Variants in BORCS5 observed in about 807,000 individuals in gnomAD.
BORCS5 encodes the protein BLOC-1-related complex subunit 5.
Under a neutral mutation model 22.1 loss-of-function variants are expected in BORCS5, and 17 were observed. The ratio of observed to expected loss-of-function variants is 0.77; its 90% CI spans 0.53 to 1.15. The LOEUF is 1.15. Ranked by LOEUF, BORCS5 falls within the 50% of genes most tolerant of loss-of-function variation. The probability of loss-of-function intolerance (pLI) is 0.00; values close to 1 mark genes in which losing one functional copy is unlikely to be tolerated. For synonymous variants in BORCS5, 117 were observed against 99.8 expected, an observed-to-expected ratio of 1.17 and a Z score of -1.03; for missense variants, 247 against 253.2, an observed-to-expected ratio of 0.98 and a Z score of 0.17.
intron 2 of BORCS5, among the ~76,000 whole-genome samples, chr12:12,384,046 T>C (rs1258135354): frequency 1.3e-5 from 2 of 151,426 alleles, no homozygotes; most frequent in African/African-American, 4.9e-5. Flanking sequence ...CCCAAATTGC[T>C]ATTGAGTTGC....
At chr12:12,420,762 A>G (rs78852351) in intron 2 of BORCS5, among the ~76,000 whole-genome samples, 1 of 152,116 alleles carries the variant, frequency 6.6e-6, no homozygotes, top group Non-Finnish European at 1.5e-5. Flanking sequence ...TTGAAGAGGT[A>G]CTTCACATCC....
chr12:12,438,385 A>AAAAAAAAAAATACAC (rs1555156048), intron 3 of BORCS5, among the ~76,000 whole-genome samples: 16 of 126,148 alleles, frequency 1.3e-4, no homozygotes, highest in African/African-American at 5.2e-4. Context: ...AAAAAACGAA[A>AAAAAAAAAAATACAC]AACAACAACA....
chr12:12,421,825 T>C (rs1167324103), intron 2 of BORCS5, among the ~76,000 whole-genome samples: 2 of 152,230 alleles, frequency 1.3e-5, no homozygotes, highest in African/African-American at 4.8e-5. Context: ...CTAGATTTTC[T>C]AGTTTATTTG....
intron 2 of BORCS5, among the ~76,000 whole-genome samples, chr12:12,369,712 CTTTTTTTTTTTTTT>C (rs71061052): frequency 3.3e-4 from 14 of 42,948 alleles, no homozygotes; most frequent in South Asian, 3.2e-3. Context: ...CCCCCCACTT[CTTTTTTTTTTTTTT>C]TTTTTTTTTT....
chr12:12,425,944 TTGTGTG>T (rs1166327509), intron 2 of BORCS5, among the ~76,000 whole-genome samples: 1 of 152,212 alleles, frequency 6.6e-6, no homozygotes. Flanking sequence ...TTAACACGAA[TTGTGTG>T]CCTCCTCTTT....
chr12:12,392,708 G>T (rs1442427679), intron 2 of BORCS5, among the ~76,000 whole-genome samples: 2 of 152,056 alleles, frequency 1.3e-5, no homozygotes, highest in Non-Finnish European at 2.9e-5. Context: ...TATTGCAATT[G>T]CCCAATAAAA....
chr12:12,389,483 AT>A (rs1863955093), intron 2 of BORCS5, among the ~76,000 whole-genome samples: 1 of 142,998 alleles, frequency 7.0e-6, no homozygotes, highest in Non-Finnish European at 1.6e-5. Flanking sequence ...AATTAGTTTT[AT>A]ATACCTCTGC....
chr12:12,409,733 G>C (rs1438351194), intron 2 of BORCS5, among the ~76,000 whole-genome samples: 2 of 151,964 alleles, frequency 1.3e-5, no homozygotes, highest in Non-Finnish European at 2.9e-5. Context: ...ATAATCCTTT[G>C]GGTATATACC....
intron 2 of BORCS5, among the ~76,000 whole-genome samples, chr12:12,421,868 GT>G (rs1270172155): frequency 6.6e-6 from 1 of 152,124 alleles, no homozygotes; most frequent in Non-Finnish European, 1.5e-5. Context: ...TCTGATGATA[GT>G]TTGTATTTCT....
At position 12,447,209 on chromosome 12, in the gene BORCS5, C is replaced by T. The variant is rs1942807116; in HGVS notation, c.360+11424C>T. 1.3e-5 allele frequency among the ~76,000 whole-genome samples: 2 copies of T among 152,176 alleles called. 1 individual carries two copies. Among genetic ancestry groups the T allele is most frequent in the South Asian group, 4.1e-4 (2 of 4,824 alleles). On this transcript the variant is annotated intron_variant, in intron 3 of 3. Coordinates refer to ENST00000314565, the MANE Select transcript of BORCS5 (RefSeq NM_058169.6). The stretch of plus-strand genomic sequence containing the variant: ...TCCGTGAAATTCACATGGCTCTAGC[C>T]TGAAATGTCCAGCCTCCACTCCTGC...
chr12:12,385,823 T>C (rs937233733), intron 2 of BORCS5, among the ~76,000 whole-genome samples: 1 of 151,436 alleles, frequency 6.6e-6, no homozygotes, highest in African/African-American at 2.4e-5. Context: ...CATTCATTTT[T>C]AAGGCATAAA....
At chr12:12,425,977 G>A (rs910720906) in intron 2 of BORCS5, among the ~76,000 whole-genome samples, 4 of 152,132 alleles carry the variant, frequency 2.6e-5, no homozygotes, top group Non-Finnish European at 4.4e-5. Flanking sequence ...TGCTGTGGTA[G>A]GCATAACTTT....
chr12:12,456,811 C>T (rs1178657014), intron 3 of BORCS5, among the ~76,000 whole-genome samples: 2 of 131,472 alleles, frequency 1.5e-5, no homozygotes, highest in Non-Finnish European at 3.2e-5. Context: ...TGTGACTCTG[C>T]TGTAAGATTT....
chr12:12,377,100 G>A (rs1305901508), intron 2 of BORCS5, among the ~76,000 whole-genome samples: 4 of 151,790 alleles, frequency 2.6e-5, no homozygotes, highest in East Asian at 1.9e-4. Flanking sequence ...GAGAGAAAAC[G>A]ATTTTCAGTC....
intron 2 of BORCS5, among the ~76,000 whole-genome samples, chr12:12,429,045 G>C (rs1942357639): frequency 6.6e-6 from 1 of 152,206 alleles, no homozygotes; most frequent in African/African-American, 2.4e-5. Flanking sequence ...GGTGAGTGGA[G>C]CTGCCGGGCA....
chr12:12,376,122 A>G (rs1466152682), intron 2 of BORCS5, among the ~76,000 whole-genome samples: 4 of 151,866 alleles, frequency 2.6e-5, no homozygotes, highest in Admixed American at 6.6e-5. Flanking sequence ...GTCTCTAAAC[A>G]TTTTTAGCAG....
chr12:12,382,534 CTTTTT>C (rs199692677), intron 2 of BORCS5, among the ~76,000 whole-genome samples: 1 of 132,464 alleles, frequency 7.5e-6, no homozygotes, highest in African/African-American at 2.9e-5. Context: ...TGGTATATAT[CTTTTT>C]TTTTTTTTTT....
At chr12:12,438,385 AAACAAC>A (rs1555156049) in intron 3 of BORCS5, among the ~76,000 whole-genome samples, 2 of 126,146 alleles carry the variant, frequency 1.6e-5, no homozygotes, top group African/African-American at 6.5e-5. Flanking sequence ...AAAAAACGAA[AAACAAC>A]AACAAAAACC....
chr12:12,428,195 G>C (rs1476178162), intron 2 of BORCS5, among the ~76,000 whole-genome samples: 1 of 152,180 alleles, frequency 6.6e-6, no homozygotes, highest in Non-Finnish European at 1.5e-5. Context: ...AATAGGCTAA[G>C]CTAATAGCCA....
Sources: allele counts gnomAD v4.1 joint callset (sites outside exome capture counted in the v4.1 genomes callset), GRCh38; gene constraint gnomAD v4.1.1; transcripts MANE v1.5; gene names NCBI Gene and HGNC (gene_info 2026-07-23, HGNC 2026-07-21).